SDK2: variants seen among roughly 807,000 people sequenced by gnomAD.
SDK2 encodes sidekick cell adhesion molecule 2.
In SDK2, 105 loss-of-function variants were observed where a neutral mutation model predicts 253.9. That is an observed-to-expected ratio of 0.41 (90% CI 0.35 to 0.49). SDK2 has a LOEUF of 0.49. SDK2 is among the 20% of genes least tolerant of loss of function. The pLI is 0.06. For missense variants in SDK2, 2,608 were observed against 3,003.0 expected (o/e 0.87, Z 3.07); for synonymous variants, 1,249 against 1,234.9 (o/e 1.01, Z -0.24).
At chr17:73,457,597 C>T (rs542973340) in intron 3 of SDK2, among the ~76,000 whole-genome samples, 16 of 151,898 alleles carry the variant, frequency 1.1e-4, no homozygotes, top group African/African-American at 3.4e-4. Flanking sequence ...GTGATCCGCC[C>T]GCCTCGGCCT....
At chr17:73,432,791 CAT>C (rs1422040477) in intron 10 of SDK2, among the ~76,000 whole-genome samples, 3 of 151,918 alleles carry the variant, frequency 2.0e-5, no homozygotes, top group East Asian at 3.9e-4. Context: ...TGTGTATGTA[CAT>C]GTGTGTGCAT....
chr17:73,588,387 C>CAAAAAAAAA (rs1215654213), intron 1 of SDK2, among the ~76,000 whole-genome samples: 83 of 58,566 alleles, frequency 1.4e-3, no homozygotes, highest in Non-Finnish European at 2.0e-3. Context: ...AACTCCATCT[C>CAAAAAAAAA]AAAAAAAAAA....
At chr17:73,345,569 T>G (rs2062475884) in intron 44 of SDK2, among the ~76,000 whole-genome samples, 1 of 152,142 alleles carries the variant, frequency 6.6e-6, no homozygotes, top group Non-Finnish European at 1.5e-5. Flanking sequence ...GTTGAGTAAA[T>G]GCATCAAGGA....
intron 12 of SDK2, among the ~76,000 whole-genome samples, chr17:73,425,849 C>T (rs1599555020): frequency 6.6e-6 from 1 of 151,774 alleles, no homozygotes; most frequent in South Asian, 2.1e-4. Context: ...AGTTGCCTCA[C>T]CTGTAATATG....
Position 73,414,775 on chromosome 17 carries a change from G to C in SDK2, c.2369-16C>G. On this transcript the variant is annotated splice_polypyrimidine_tract_variant and intron_variant, in intron 17 of 44. Coordinates refer to ENST00000392650, the MANE Select transcript of SDK2 (RefSeq NM_001144952.2). ...ACCGTGGGAACTAGAGGAGATGAGAGAACGGGGTGGGGTGGAGGGGGCCCA... is the reference window on the plus strand; with the variant it reads ...ACCGTGGGAACTAGAGGAGATGAGACAACGGGGTGGGGTGGAGGGGGCCCA... 1 of 1,550,972 alleles carries C rather than the reference G, an allele frequency of 6.4e-7. No individual in the cohort carries two copies. Among genetic ancestry groups the C allele is most frequent in the Non-Finnish European group, 8.9e-7 (1 of 1,123,256 alleles).
chr17:73,500,303 A>C (rs1216455785), intron 2 of SDK2, among the ~76,000 whole-genome samples: 2 of 78,538 alleles, frequency 2.5e-5, no homozygotes, highest in African/African-American at 5.3e-5. Flanking sequence ...CATCTCCTCC[A>C]TCCTTCTCCA....
At chr17:73,606,399 T>G (rs924312436) in intron 1 of SDK2, among the ~76,000 whole-genome samples, 1 of 151,872 alleles carries the variant, frequency 6.6e-6, no homozygotes, top group African/African-American at 2.4e-5. Context: ...GGCAGGTGCT[T>G]ATGGGTGCTG....
At chr17:73,409,348 G>T (rs2063106509) in intron 18 of SDK2, among the ~76,000 whole-genome samples, 1 of 152,150 alleles carries the variant, frequency 6.6e-6, no homozygotes, top group Non-Finnish European at 1.5e-5. Context: ...GGGCATGGTG[G>T]CATATGCCTG....
chr17:73,559,057 C>A (rs1386814066), intron 1 of SDK2, among the ~76,000 whole-genome samples: 1 of 152,202 alleles, frequency 6.6e-6, no homozygotes, highest in Non-Finnish European at 1.5e-5. Flanking sequence ...AAGAATGCAC[C>A]ATCTCCTCCC....
chr17:73,348,698 G>T lies in SDK2; in HGVS notation c.6066C>A (p.Ser2022Arg). The T allele has an allele frequency of 6.2e-7, 1 of 1,610,100 alleles. No homozygotes were observed. ...TGACATCCTCATCCGAGTAGTGCAG[G>T]CTGCCTGGGCTGGGCCTGGGGGGAG... Reference protein sequence around the residue: ...TRSPPRPSPGSLHYSDEDVTK... With the variant: ...TRSPPRPSPGRLHYSDEDVTK... The change falls in exon 44 of 45, where the codon AGC becomes AGA. Residue 2022 changes from serine (S) to arginine (R), a missense_variant. Physicochemically the swap from Ser to Arg is moderately radical, Grantham distance 110. Coordinates refer to ENST00000392650, the MANE Select transcript of SDK2 (RefSeq NM_001144952.2).
At chr17:73,357,463 C>A in intron 40 of SDK2, 1 of 180,836 alleles carries the variant, frequency 5.5e-6, no homozygotes, top group Non-Finnish European at 1.1e-5. Flanking sequence ...CTCTGATTAA[C>A]TTGGAAACCT....
chr17:73,581,709 C>T (rs577650885), intron 1 of SDK2, among the ~76,000 whole-genome samples: 6 of 152,222 alleles, frequency 3.9e-5, no homozygotes, highest in East Asian at 1.9e-4. Context: ...AAGGACACCT[C>T]GGGGAGGCAG....
chr17:73,386,479 G>C lies in SDK2; in HGVS notation c.4464C>G (p.Ser1488Arg). ...GGGTGGTCAGTGACTCCGACTCCTC[G>C]CTGAACTCGCTGTCGCCAATGTCAT... ...ATNDIGDSEF[S>R]EESESLTTLQ... is the part of the protein sequence containing the mutation. The change falls in exon 31 of 45, where the codon AGC (serine) becomes AGG (arginine). Residue 1488 changes from serine to arginine, a missense_variant. Physicochemically the swap from Ser to Arg is moderately radical, Grantham distance 110 (BLOSUM62 -1). Coordinates refer to ENST00000392650, the MANE Select transcript of SDK2 (RefSeq NM_001144952.2). The C allele has an allele frequency of 6.4e-7, 1 of 1,561,364 alleles. No individual in the cohort carries two copies. The highest frequency in any genetic ancestry group is 8.7e-7 in the Non-Finnish European group (1 of 1,152,622).
chr17:73,435,685 C>A lies in SDK2; in HGVS notation c.1001-41G>T. ...GGGCCCACCGTCAACCTGCCTCCTG[C>A]CTCCTCTCCGCCTAGGAGGGGTGCT... On this transcript the variant is annotated intron_variant, in intron 8 of 44. Coordinates refer to ENST00000392650, the MANE Select transcript of SDK2 (RefSeq NM_001144952.2). The surrounding 1 kb of genome is among the most constrained non-coding windows in gnomAD (Gnocchi z 5.7). 6.7e-7 allele frequency: 1 copy of A among 1,502,432 alleles called. No individual in the cohort carries two copies. Among genetic ancestry groups the A allele is most frequent in the Non-Finnish European group, 8.9e-7 (1 of 1,119,572 alleles). The allele number at this position is 1,502,432 out of a possible 1,614,324, so 93.1% of individuals were successfully genotyped here.
In SDK2 at chr17:73,402,154, G is replaced by A. The variant is rs1470132866; in HGVS notation, c.2485-13C>T. Reference sequence around the variant, plus strand: ...CCCAGGCGATCAGCTGCGGAGAGGCGAGCAAGTCACACAGGGCAGCAGGAA... The same window carrying A: ...CCCAGGCGATCAGCTGCGGAGAGGCAAGCAAGTCACACAGGGCAGCAGGAA... On this transcript the variant is annotated splice_polypyrimidine_tract_variant and intron_variant, in intron 18 of 44. Coordinates refer to ENST00000392650, the MANE Select transcript of SDK2 (RefSeq NM_001144952.2). 3.1e-6 allele frequency: 5 copies of A among 1,610,226 alleles called. No homozygotes were observed. The highest frequency in any genetic ancestry group is 3.4e-6 in the Non-Finnish European group (4 of 1,177,692).
At chr17:73,559,569 C>T (rs1291052857) in intron 1 of SDK2, among the ~76,000 whole-genome samples, 1 of 151,680 alleles carries the variant, frequency 6.6e-6, no homozygotes, top group African/African-American at 2.4e-5. Flanking sequence ...AAGCTCTGTC[C>T]ATCCGCCACT....
intron 4 of SDK2, among the ~76,000 whole-genome samples, chr17:73,452,699 C>T (rs113797735): frequency 0.012 from 1,782 of 152,302 alleles, 44 homozygotes; most frequent in African/African-American, 0.041. Context: ...GCAGACATTG[C>T]TAATCAATCA....
At chr17:73,556,868 T>C (rs1018521262) in intron 1 of SDK2, among the ~76,000 whole-genome samples, 3 of 152,302 alleles carry the variant, frequency 2.0e-5, no homozygotes, top group East Asian at 3.9e-4. Context: ...ATGATGATCA[T>C]AGAAACTCTC....
chr17:73,556,203 G>T (rs1037990132), intron 1 of SDK2, among the ~76,000 whole-genome samples: 1 of 152,222 alleles, frequency 6.6e-6, no homozygotes, highest in African/African-American at 2.4e-5. Flanking sequence ...AGATCACCAA[G>T]ATGGGAAGCG....
Sources: allele counts gnomAD v4.1 joint callset (sites outside exome capture counted in the v4.1 genomes callset), GRCh38; gene constraint gnomAD v4.1.1; non-coding constraint Gnocchi (gnomAD v3.1); transcripts MANE v1.5; gene names NCBI Gene and HGNC (gene_info 2026-07-23, HGNC 2026-07-21).